The following OTOG variants were observed in gnomAD, a reference collection of about 807,000 sequenced individuals.
The protein encoded by OTOG is otogelin.
A neutral mutation model predicts 313.8 loss-of-function variants in OTOG; 296 were observed. The observed-to-expected ratio is 0.94, with a 90% CI of 0.86 to 1.04. The LOEUF is 1.04. OTOG is among the 50% of genes least tolerant of loss of function. OTOG has a pLI of 0.00. For missense variants in OTOG, 3,948 were observed against 3,840.1 expected (o/e 1.03, Z -0.74); for synonymous variants, 1,533 against 1,554.9 (o/e 0.99, Z 0.33).
At chr11:17,635,255 C>G in intron 46 of OTOG, 68 bp downstream of exon 46, 1 of 1,296,246 alleles carries the variant, frequency 7.7e-7, no homozygotes. Flanking sequence ...ACCCCTGTGT[C>G]CTTGGGCAGC....
intron 38 of OTOG, among the ~76,000 whole-genome samples, chr11:17,613,195 T>TTTTCTTTTCTTTCTTTCTTTC (rs1853616442): frequency 1.5e-5 from 1 of 65,328 alleles, no homozygotes; most frequent in African/African-American, 7.6e-5. Flanking sequence ...TCTTTCTTTC[T>TTTTCTTTTCTTTCTTTCTTTC]TTTCTTTCTT....
chr11:17,560,272 A>G (rs540615721), intron 12 of OTOG, among the ~76,000 whole-genome samples: 1 of 152,344 alleles, frequency 6.6e-6, no homozygotes, highest in South Asian at 2.1e-4. Flanking sequence ...GGTTTCAGAG[A>G]TATCACGCTC....
At chr11:17,577,362 G>C (rs979885573) in intron 22 of OTOG, among the ~76,000 whole-genome samples, 5 of 147,452 alleles carry the variant, frequency 3.4e-5, no homozygotes, top group African/African-American at 5.0e-5. Context: ...GATAGGGATG[G>C]GGTGGAACAG....
intron 40 of OTOG, among the ~76,000 whole-genome samples, chr11:17,629,952 C>T (rs775786903): frequency 5.9e-5 from 9 of 152,100 alleles, no homozygotes; most frequent in South Asian, 2.1e-4. Flanking sequence ...ATGATTGTGA[C>T]GATGGGTGAG....
At position 17,599,709 on chromosome 11, in the gene OTOG, C is replaced by A; in HGVS notation, c.3709+12C>A. The stretch of plus-strand genomic sequence containing the variant: ...CTTCTTTAACAAAGGTAAGCCCCTC[C>A]TCCCCACGCAGAGTCTCAGGGGCTC... On this transcript the variant is annotated intron_variant, in intron 31 of 55. Coordinates refer to ENST00000399397, the MANE Select transcript of OTOG (RefSeq NM_001292063.2). 5.2e-6 allele frequency: 8 copies of A among 1,550,484 alleles called. No individual in the cohort carries two copies. The highest frequency in any genetic ancestry group is 7.0e-6 in the Non-Finnish European group (8 of 1,146,862).
At position 17,634,857 on chromosome 11, in the gene OTOG, T is replaced by C; in HGVS notation, c.7494T>C (p.Thr2498=). Reference sequence around the variant, plus strand: ...CCCCGGGGCCAGTGTGTAACCAGACTCTGTGTGAGGGTCTCGCCCCCACAT... The same window carrying C: ...CCCCGGGGCCAGTGTGTAACCAGACCCTGTGTGAGGGTCTCGCCCCCACAT... The part of the protein sequence containing the change: ...CLGTVCVCNQ[T]LCEGLAPTCR... The change falls in exon 45 of 56, where the codon ACT becomes ACC. Residue 2498 remains threonine (T), a synonymous_variant. Coordinates refer to ENST00000399397, the MANE Select transcript of OTOG (RefSeq NM_001292063.2). 1 of 1,549,486 alleles carries C rather than the reference T, an allele frequency of 6.5e-7. No homozygotes were observed. Among genetic ancestry groups the C allele is most frequent in the Non-Finnish European group, 8.7e-7 (1 of 1,146,764 alleles).
At position 17,557,119 on chromosome 11, in the gene OTOG, G is replaced by T. The variant is rs1027403751; in HGVS notation, c.661G>T (p.Val221Phe). Residue 221 changes from valine (V) to phenylalanine (F), a missense_variant and splice_region_variant, in exon 8 of 56, where the codon GTC (valine) becomes TTC (phenylalanine). By Grantham distance (50) the Val-to-Phe change is conservative. Coordinates refer to ENST00000399397, the MANE Select transcript of OTOG (RefSeq NM_001292063.2). ...AKEVTHGGMR[V>F]QLPHVMGSAR... ...GAAGCTCTGGGATGTGCCCTGCAGG[G>T]TCCAACTGCCACATGTCATGGGGAG... 3.2e-6 allele frequency: 5 copies of T among 1,549,464 alleles called. No homozygotes were observed. Among genetic ancestry groups the T allele is most frequent in the African/African-American group, 2.7e-5 (2 of 72,988 alleles).
At chr11:17,583,854 C>T (rs1263991121) in intron 23 of OTOG, among the ~76,000 whole-genome samples, 2 of 152,058 alleles carry the variant, frequency 1.3e-5, no homozygotes, top group African/African-American at 4.8e-5. Flanking sequence ...AAAAAAAGCC[C>T]CTGAGATTTT....
At chr11:17,577,484 C>T (rs1248693782) in intron 22 of OTOG, among the ~76,000 whole-genome samples, 1 of 152,112 alleles carries the variant, frequency 6.6e-6, no homozygotes, top group Non-Finnish European at 1.5e-5. Flanking sequence ...GGAGAATAAT[C>T]ATACAGTAGG....
rs142132601 is a variant in OTOG, at chr11:17,608,643, A to T, written c.4274+230A>T. ...GTGTGTTTGTGCGTGTACTACTACA[A>T]CTGTGCATTCGTTGTACACAGCTGC... On this transcript the variant is annotated intron_variant, in intron 34 of 55. Transcript: ENST00000399397. 2.2e-3 allele frequency among the ~76,000 whole-genome samples: 333 copies of T among 152,204 alleles called. 1 individual carries two copies. The highest frequency in any genetic ancestry group is 7.8e-3 in the African/African-American group (324 of 41,520).
At chr11:17,636,244 T>C (rs972734712) in intron 47 of OTOG, among the ~76,000 whole-genome samples, 1 of 152,236 alleles carries the variant, frequency 6.6e-6, no homozygotes, top group Non-Finnish European at 1.5e-5. Context: ...GTATAGTATG[T>C]GCATATCATG....
chr11:17,638,961 G>A (rs891496342), intron 48 of OTOG: 1 of 411,434 alleles, frequency 2.4e-6, no homozygotes, highest in Non-Finnish European at 4.5e-6. Context: ...AGCCGGGCAC[G>A]GTGATAGGTG....
At chr11:17,549,013 G>A (rs917166103) in intron 3 of OTOG, among the ~76,000 whole-genome samples, 4 of 152,068 alleles carry the variant, frequency 2.6e-5, no homozygotes, top group African/African-American at 4.8e-5. Flanking sequence ...CACTGAGCCC[G>A]GCCTCTATCC....
At chr11:17,583,110 G>T (rs1269186323) in intron 23 of OTOG, among the ~76,000 whole-genome samples, 2 of 151,680 alleles carry the variant, frequency 1.3e-5, no homozygotes, top group African/African-American at 2.4e-5. Flanking sequence ...ACAATTAAAT[G>T]TAATGGATTA....
rs1853557935 is a variant in OTOG, at chr11:17,611,821, T to A, written c.6124-341T>A. On this transcript the variant is annotated intron_variant, in intron 36 of 55. Coordinates refer to ENST00000399397, the MANE Select transcript of OTOG (RefSeq NM_001292063.2). The stretch of plus-strand genomic sequence containing the variant: ...TTGTGCCTTTGTGAGAAACTGTGTG[T>A]GTGTGTGTGTGTGTTTGTGTGTATA... Among the ~76,000 whole-genome samples, 5 of 151,452 alleles carry A rather than the reference T, an allele frequency of 3.3e-5. 1 individual carries two copies. The South Asian group carries it at 1.1e-3, about 32-fold the overall frequency.
intron 22 of OTOG, 118 bp downstream of exon 22, chr11:17,577,029 C>A: frequency 9.7e-7 from 1 of 1,026,632 alleles, no homozygotes; most frequent in Non-Finnish European, 1.4e-6. Context: ...CTACATTGGG[C>A]CTTCCGTATT....
In OTOG at chr11:17,612,348, C is replaced by T. The variant is rs977170731; in HGVS notation, c.6292+18C>T. On this transcript the variant is annotated intron_variant, in intron 37 of 55. Coordinates refer to ENST00000399397, the MANE Select transcript of OTOG (RefSeq NM_001292063.2). The stretch of plus-strand genomic sequence containing the variant: ...GTGTGCCTGTGAGTCATGGGATCAG[C>T]GGAGCCTCCTGCATCCTCCCTGTAT... 215 of 1,514,338 alleles carry T rather than the reference C, an allele frequency of 1.4e-4. No individual in the cohort carries two copies. The highest frequency in any genetic ancestry group is 1.7e-4 in the Non-Finnish European group (198 of 1,133,590). 93.8% of individuals were successfully genotyped at this position (1,514,338 alleles called of 1,614,324 possible). A position where few individuals can be genotyped will look rare whatever the true frequency, so the allele number is the denominator to read the frequency against.
chr11:17,614,476 G>A (rs911549521), intron 39 of OTOG, among the ~76,000 whole-genome samples: 4 of 152,026 alleles, frequency 2.6e-5, no homozygotes, highest in Admixed American at 1.3e-4. Flanking sequence ...AAAATTTACC[G>A]TATTTAGTAT....
chr11:17,561,838 AC>A, intron 15 of OTOG, 31 bp downstream of exon 15: 1 of 1,548,734 alleles, frequency 6.5e-7, no homozygotes, highest in South Asian at 1.2e-5. Flanking sequence ...GGCCCGATCC[AC>A]CCAGCTACTC....
Sources: allele counts gnomAD v4.1 joint callset (sites outside exome capture counted in the v4.1 genomes callset), GRCh38; gene constraint gnomAD v4.1.1; transcripts MANE v1.5; gene names NCBI Gene and HGNC (gene_info 2026-07-23, HGNC 2026-07-21).